The following CRYL1 variants were observed in gnomAD, a reference collection of about 807,000 sequenced individuals.
CRYL1 encodes lambda-crystallin homolog.
CRYL1 carries 29 observed loss-of-function variants against 36.6 expected under a neutral mutation model. The observed-to-expected ratio is 0.79, with a 90% CI of 0.59 to 1.08. The LOEUF is 1.08. CRYL1 is among the 50% of genes least tolerant of loss of function. The probability of loss-of-function intolerance (pLI) is 0.00; values close to 1 mark genes in which losing one functional copy is unlikely to be tolerated. For synonymous variants in CRYL1, 152 were observed against 151.5 expected, an observed-to-expected ratio of 1.00 and a Z score of -0.02; for missense variants, 411 against 407.9, an observed-to-expected ratio of 1.01 and a Z score of -0.06.
chr13:20,508,244 A>G (rs947435550), intron 2 of CRYL1, among the ~76,000 whole-genome samples: 1 of 152,132 alleles, frequency 6.6e-6, no homozygotes, highest in African/African-American at 2.4e-5. Flanking sequence ...AAATAAAATA[A>G]AATAAATGTC....
chr13:20,467,928 C>T (rs1429917879), intron 3 of CRYL1, among the ~76,000 whole-genome samples: 1 of 152,160 alleles, frequency 6.6e-6, no homozygotes, highest in Non-Finnish European at 1.5e-5. Flanking sequence ...ATCAGCGTGG[C>T]ATTGGATTCT....
At chr13:20,436,154 G>A (rs571001426) in intron 4 of CRYL1, among the ~76,000 whole-genome samples, 1 of 152,196 alleles carries the variant, frequency 6.6e-6, no homozygotes, top group East Asian at 1.9e-4. Context: ...GCTAACTGGT[G>A]GCCTCTCCCC....
At chr13:20,492,208 T>C (rs1441690695) in intron 2 of CRYL1, among the ~76,000 whole-genome samples, 7 of 152,246 alleles carry the variant, frequency 4.6e-5, no homozygotes, top group Non-Finnish European at 1.0e-4. Context: ...TATCATTCAC[T>C]GTGTAGTATG....
intron 1 of CRYL1, among the ~76,000 whole-genome samples, chr13:20,513,291 T>G (rs564839880): frequency 6.6e-6 from 1 of 152,104 alleles, no homozygotes; most frequent in South Asian, 2.1e-4. Context: ...GACCCGTTAG[T>G]GAACTTCCAT....
At chr13:20,490,194 C>T (rs141243809) in intron 2 of CRYL1, among the ~76,000 whole-genome samples, 1 of 152,148 alleles carries the variant, frequency 6.6e-6, no homozygotes, top group African/African-American at 2.4e-5. Flanking sequence ...AGTTCGAGAC[C>T]AGCCTGGCCA....
intron 3 of CRYL1, among the ~76,000 whole-genome samples, chr13:20,452,549 G>A (rs1388975420): frequency 6.6e-6 from 1 of 152,146 alleles, no homozygotes; most frequent in East Asian, 1.9e-4. Flanking sequence ...GAAGTTGTTG[G>A]GGTTGCAGAA....
chr13:20,447,586 A>G lies in CRYL1; in HGVS notation c.277-7832T>C, dbSNP rs565464754. 7.9e-5 allele frequency among the ~76,000 whole-genome samples: 12 copies of G among 152,204 alleles called. No individual in the cohort carries two copies. In the South Asian group the frequency reaches 2.3e-3, roughly 29 times the overall value. On this transcript the variant is annotated intron_variant, in intron 3 of 7. Transcript: ENST00000298248. ...AATAATACTTCTGGGAGAGAGACAG[A>G]ATGAGAACATGGAAAGAGATCCTCT...
intron 2 of CRYL1, among the ~76,000 whole-genome samples, chr13:20,505,359 C>CAAAAAAAAAAAAAAAAAAAAAA (rs61380702): frequency 3.7e-4 from 34 of 91,220 alleles, no homozygotes; most frequent in South Asian, 4.7e-4. Flanking sequence ...TCTATCCCAC[C>CAAAAAAAAAAAAAAAAAAAAAA]AAAAAAAAAA....
chr13:20,434,379 T>G (rs1271399016), intron 4 of CRYL1, among the ~76,000 whole-genome samples: 2 of 151,820 alleles, frequency 1.3e-5, no homozygotes, highest in African/African-American at 4.8e-5. Context: ...GTAAAACACA[T>G]CAATCGGGGC....
chr13:20,523,041 T>C (rs1451154534), intron 1 of CRYL1, among the ~76,000 whole-genome samples: 1 of 147,202 alleles, frequency 6.8e-6, no homozygotes, highest in Admixed American at 7.1e-5. Context: ...CTCAGCCTCC[T>C]GAGTAGCTGG....
intron 5 of CRYL1, among the ~76,000 whole-genome samples, chr13:20,427,492 A>T (rs1300657492): frequency 1.3e-5 from 2 of 152,114 alleles, no homozygotes; most frequent in South Asian, 2.1e-4. Context: ...TGCCACAAAG[A>T]CAAGAAAAGA....
At chr13:20,486,244 A>G (rs1350033222) in intron 3 of CRYL1, among the ~76,000 whole-genome samples, 1 of 152,164 alleles carries the variant, frequency 6.6e-6, no homozygotes, top group East Asian at 1.9e-4. Context: ...CTTTAAAGAA[A>G]CACATAAATG....
intron 5 of CRYL1, among the ~76,000 whole-genome samples, chr13:20,417,644 G>A (rs988767294): frequency 3.9e-5 from 6 of 152,128 alleles, no homozygotes; most frequent in Non-Finnish European, 8.8e-5. Context: ...CAGTGTTAAG[G>A]AACCCCTTTT....
Position 20,487,394 on chromosome 13 carries a change from G to C in CRYL1, c.276+1976C>G, listed in dbSNP as rs568121422. On this transcript the variant is annotated intron_variant, in intron 3 of 7. Transcript: ENST00000298248. ...CCAGCATTGTAGATGGGTTCAAAAA[G>C]CTCTGCATAGCAAACATCTCCAAGA... is the stretch of plus-strand genomic sequence containing the variant. 3.3e-5 allele frequency among the ~76,000 whole-genome samples: 5 copies of C among 152,246 alleles called. No homozygotes were observed. In the East Asian group the frequency reaches 9.7e-4, roughly 29 times the overall value.
intron 5 of CRYL1, among the ~76,000 whole-genome samples, chr13:20,420,895 G>A (rs2031794812): frequency 6.6e-6 from 1 of 151,686 alleles, no homozygotes; most frequent in Non-Finnish European, 1.5e-5. Context: ...CACCACGCCT[G>A]GCTAATTTTT....
chr13:20,498,227 A>C lies in CRYL1; in HGVS notation c.150-8731T>G, dbSNP rs960388514. ...TACACACTACACATACCCCATATAC[A>C]CACTACATACATGCCACCCTACACA... On this transcript the variant is annotated intron_variant, in intron 2 of 7. Transcript: ENST00000298248. Among the ~76,000 whole-genome samples, 7 of 149,984 alleles carry C rather than the reference A, an allele frequency of 4.7e-5. No homozygotes were observed. The Admixed American group carries it at 4.7e-4, about 10-fold the overall frequency.
chr13:20,471,515 G>GA (rs1234311801), intron 3 of CRYL1, among the ~76,000 whole-genome samples: 1 of 152,020 alleles, frequency 6.6e-6, no homozygotes, highest in African/African-American at 2.4e-5. Context: ...TGAGGTAGGA[G>GA]AATGGCGTGA....
intron 6 of CRYL1, among the ~76,000 whole-genome samples, chr13:20,410,639 C>T (rs897811874): frequency 2.0e-5 from 3 of 152,134 alleles, no homozygotes; most frequent in South Asian, 2.1e-4. Flanking sequence ...AAAACAACAA[C>T]GAAAAAAACT....
intron 3 of CRYL1, among the ~76,000 whole-genome samples, chr13:20,447,357 A>G: frequency 6.6e-6 from 1 of 152,218 alleles, no homozygotes; most frequent in African/African-American, 2.4e-5. Flanking sequence ...ATTTGGGGAA[A>G]GAGAACAGAA....
Sources: allele counts gnomAD v4.1 joint callset (sites outside exome capture counted in the v4.1 genomes callset), GRCh38; gene constraint gnomAD v4.1.1; transcripts MANE v1.5; gene names NCBI Gene and HGNC (gene_info 2026-07-23, HGNC 2026-07-21).